The following HCK variants were observed in gnomAD, a reference collection of about 807,000 sequenced individuals.
HCK encodes the protein HCK proto-oncogene, Src family tyrosine kinase.
In HCK, 40 loss-of-function variants were observed where a neutral mutation model predicts 70.4. The observed-to-expected ratio is 0.57, with a 90% CI of 0.44 to 0.74. HCK has a LOEUF of 0.74. Ranked by LOEUF, HCK falls within the 30% of genes least tolerant of loss-of-function variation. HCK has a pLI of 0.00. For synonymous variants in HCK, 245 were observed against 263.2 expected (o/e 0.93, Z 0.67); for missense variants, 568 against 697.2 (o/e 0.81, Z 2.09).
intron 12 of HCK, among the ~76,000 whole-genome samples, chr20:32,099,669 A>G (rs1403254297): frequency 6.6e-6 from 1 of 151,666 alleles, no homozygotes; most frequent in African/African-American, 2.4e-5. Context: ...CACCCCTATG[A>G]CATCTGAGCA....
At chr20:32,062,580 G>C (rs1182787751) in intron 1 of HCK, among the ~76,000 whole-genome samples, 1 of 152,198 alleles carries the variant, frequency 6.6e-6, no homozygotes, top group Non-Finnish European at 1.5e-5. Flanking sequence ...CATCGTGTGA[G>C]CCAGGGCCCA....
intron 7 of HCK, 48 bp downstream of exon 7, chr20:32,084,091 A>T (rs1170236956): frequency 1.3e-6 from 2 of 1,588,866 alleles, no homozygotes; most frequent in Non-Finnish European, 1.7e-6. Flanking sequence ...GGGCCCACAG[A>T]CTCCTAGTCA....
intron 1 of HCK, among the ~76,000 whole-genome samples, chr20:32,070,910 C>T (rs1268033325): frequency 8.0e-6 from 1 of 125,212 alleles, no homozygotes; most frequent in Non-Finnish European, 1.6e-5. Context: ...GGAGGGAGGA[C>T]AGAGGAGGGG....
intron 11 of HCK, among the ~76,000 whole-genome samples, chr20:32,097,247 T>G (rs1600749903): frequency 1.3e-5 from 2 of 151,636 alleles, no homozygotes; most frequent in South Asian, 4.2e-4. Flanking sequence ...GTCACTGCAC[T>G]CCAGCCTGTG....
intron 5 of HCK, among the ~76,000 whole-genome samples, chr20:32,078,713 T>C (rs1171254849): frequency 6.6e-6 from 1 of 151,744 alleles, no homozygotes; most frequent in Non-Finnish European, 1.5e-5. Flanking sequence ...AAAAATTAGC[T>C]AGGTGTAGTG....
intron 5 of HCK, among the ~76,000 whole-genome samples, chr20:32,076,595 T>C (rs1439121716): frequency 6.6e-6 from 1 of 152,148 alleles, no homozygotes; most frequent in Non-Finnish European, 1.5e-5. Flanking sequence ...GGGGTTATCA[T>C]TTGCAGACAA....
chr20:32,099,423 T>C (rs2046003287), intron 12 of HCK, among the ~76,000 whole-genome samples: 1 of 148,590 alleles, frequency 6.7e-6, no homozygotes, highest in Non-Finnish European at 1.5e-5. Flanking sequence ...AGTGACGTGA[T>C]CTCGGCTCAC....
intron 10 of HCK, among the ~76,000 whole-genome samples, chr20:32,091,632 A>C (rs2045864680): frequency 6.6e-6 from 1 of 151,132 alleles, no homozygotes; most frequent in African/African-American, 2.4e-5. Context: ...TTTCGTCCCC[A>C]CCCCCCACTA....
intron 1 of HCK, among the ~76,000 whole-genome samples, chr20:32,054,893 T>G (rs1271860710): frequency 6.6e-6 from 1 of 152,230 alleles, no homozygotes; most frequent in African/African-American, 2.4e-5. Flanking sequence ...ATTTGCCCCA[T>G]CTTATCATTA....
intron 1 of HCK, among the ~76,000 whole-genome samples, chr20:32,069,300 T>C (rs2045504306): frequency 6.6e-6 from 1 of 152,160 alleles, no homozygotes; most frequent in Admixed American, 6.5e-5. Context: ...GTGGCCATCT[T>C]GAATATGTAC....
intron 11 of HCK, among the ~76,000 whole-genome samples, chr20:32,096,211 G>A (rs1004866725): frequency 1.9e-4 from 29 of 151,764 alleles, no homozygotes; most frequent in Admixed American, 1.5e-3. Flanking sequence ...TTAAAGAGAC[G>A]GGTGCGGCCG....
intron 8 of HCK, among the ~76,000 whole-genome samples, chr20:32,085,101 T>C (rs1193566416): frequency 6.6e-6 from 1 of 152,254 alleles, no homozygotes; most frequent in Non-Finnish European, 1.5e-5. Context: ...GCTGTGTTAA[T>C]ACGTTCCAAA....
rs913095249 is a variant in HCK, at chr20:32,074,698, C to T, written c.405C>T (p.Arg135=). ...ACATCCCAAGCAACTATGTCGCCCGCGTTGACTCTCTGGAGACAGAGGAGT... is the reference window on the plus strand; with the variant it reads ...ACATCCCAAGCAACTATGTCGCCCGTGTTGACTCTCTGGAGACAGAGGAGT... Residue 135 remains arginine, a synonymous_variant, in exon 5 of 13, where the codon CGC becomes CGT. Transcript: ENST00000375852. 3.1e-6 allele frequency: 5 copies of T among 1,613,658 alleles called. No homozygotes were observed. Among genetic ancestry groups the T allele is most frequent in the Middle Eastern group, 3.3e-4 (2 of 6,060 alleles).
At chr20:32,055,416 T>A (rs188751535) in intron 1 of HCK, among the ~76,000 whole-genome samples, 56 of 152,358 alleles carry the variant, frequency 3.7e-4, no homozygotes, top group Admixed American at 1.4e-3. Flanking sequence ...AATATTTTCA[T>A]GTATCTTTAT....
At position 32,083,934 on chromosome 20, in the gene HCK, G is replaced by A. The variant is rs1324946490; in HGVS notation, c.573G>A (p.Gln191=). The change falls in exon 7 of 13, where the codon CAG becomes CAA. Residue 191 remains glutamine (Q), a synonymous_variant. Coordinates refer to ENST00000375852, the MANE Select transcript of HCK (RefSeq NM_002110.5). ...CCGTGCGAGACTACGACCCTCGGCA[G>A]GGAGATACCGTGAAACATTACAAGA... 2 of 1,614,066 alleles carry A rather than the reference G, an allele frequency of 1.2e-6. No homozygotes were observed. The highest frequency in any genetic ancestry group is 1.7e-5 in the Admixed American group (1 of 60,002).
intron 1 of HCK, among the ~76,000 whole-genome samples, chr20:32,066,851 A>G (rs1047553272): frequency 1.3e-5 from 2 of 152,134 alleles, no homozygotes; most frequent in African/African-American, 4.8e-5. Context: ...TATATGGTGT[A>G]GAGTAACCCT....
intron 5 of HCK, among the ~76,000 whole-genome samples, chr20:32,077,099 A>T (rs751000888): frequency 1.3e-5 from 2 of 152,086 alleles, no homozygotes; most frequent in African/African-American, 2.4e-5. Flanking sequence ...ATAATAATAA[A>T]AATAACAAAT....
At chr20:32,095,586 G>A (rs1172379291) in intron 11 of HCK, among the ~76,000 whole-genome samples, 1 of 152,120 alleles carries the variant, frequency 6.6e-6, no homozygotes, top group Non-Finnish European at 1.5e-5. Context: ...GAGACAGAAA[G>A]TAGATTATTG....
At chr20:32,059,279 T>TCTTCCTTCCTTCCTTCCTTCCTTCCTTC (rs11272727) in intron 1 of HCK, among the ~76,000 whole-genome samples, 21 of 146,070 alleles carry the variant, frequency 1.4e-4, no homozygotes, top group African/African-American at 4.6e-4. Flanking sequence ...AATGTTTTAA[T>TCTTCCTTCCTTCCTTCCTTCCTTCCTTC]CTTCCTTCCT....
Sources: allele counts gnomAD v4.1 joint callset (sites outside exome capture counted in the v4.1 genomes callset), GRCh38; gene constraint gnomAD v4.1.1; transcripts MANE v1.5; gene names NCBI Gene and HGNC (gene_info 2026-07-23, HGNC 2026-07-21).